The following SSPN variants were observed in gnomAD, a reference collection of about 807,000 sequenced individuals.
SSPN encodes K-ras oncogene-associated protein.
In SSPN, 15 loss-of-function variants were observed where a neutral mutation model predicts 19.1. The observed-to-expected ratio is 0.78, with a 90% CI of 0.52 to 1.21. SSPN has a LOEUF of 1.21. Among genes scored for constraint, SSPN ranks in the 50% most tolerant of loss-of-function variants. The probability of loss-of-function intolerance (pLI) is 0.00; values close to 1 mark genes in which losing one functional copy is unlikely to be tolerated. For synonymous variants in SSPN, 147 were observed against 140.3 expected (o/e 1.05, Z -0.34); for missense variants, 291 against 314.0 (o/e 0.93, Z 0.55).
At chr12:26,189,611 C>A (rs1376161218) in intron 1 of SSPN, among the ~76,000 whole-genome samples, 2 of 152,158 alleles carry the variant, frequency 1.3e-5, no homozygotes, top group Non-Finnish European at 2.9e-5. Flanking sequence ...AAAAGGCAAA[C>A]CATTCCTTGA....
At chr12:26,158,391 C>T (rs1162229118) in intron 1 of SSPN, among the ~76,000 whole-genome samples, 5 of 152,120 alleles carry the variant, frequency 3.3e-5, no homozygotes, top group African/African-American at 7.2e-5. Flanking sequence ...AATATGTCAG[C>T]GTAGGGGCCT....
At chr12:26,143,574 G>C (rs1277791179) in intron 1 of SSPN, among the ~76,000 whole-genome samples, 3 of 152,268 alleles carry the variant, frequency 2.0e-5, no homozygotes, top group East Asian at 3.9e-4. Flanking sequence ...GGGAAATCCT[G>C]AGCTGAGGCA....
At chr12:26,172,425 T>C (rs938154057) in intron 1 of SSPN, among the ~76,000 whole-genome samples, 2 of 152,216 alleles carry the variant, frequency 1.3e-5, no homozygotes, top group African/African-American at 2.4e-5. Context: ...CTCTGCATAA[T>C]AGGCTCATTT....
At chr12:26,157,838 A>G (rs1944564847) in intron 1 of SSPN, among the ~76,000 whole-genome samples, 2 of 152,200 alleles carry the variant, frequency 1.3e-5, no homozygotes, top group South Asian at 4.1e-4. Context: ...TGGCCTCTTT[A>G]TGAAGAAATC....
chr12:26,232,497 A>G lies in SSPN; in HGVS notation c.*1421A>G. ...TATGCTTTGTTGAAAGCAGAAATTA[A>G]GATAATAATTGAGTTCAATTCGCCT... On this transcript the variant is annotated 3_prime_UTR_variant, in exon 3 of 3. Coordinates refer to ENST00000242729, the MANE Select transcript of SSPN (RefSeq NM_005086.5). 1 of 985,406 alleles carries G rather than the reference A, an allele frequency of 1.0e-6. No individual in the cohort carries two copies. Among genetic ancestry groups the G allele is most frequent in the African/African-American group, 1.7e-5 (1 of 57,370 alleles). 61.0% of individuals were successfully genotyped at this position (985,406 alleles called of 1,614,324 possible).
chr12:26,195,804 C>T lies in SSPN; in HGVS notation c.132C>T (p.Pro44=), dbSNP rs1944822951. Residue 44 remains proline, a synonymous_variant, in exon 1 of 3, where the codon CCC becomes CCT. Transcript: ENST00000242729. The part of the protein sequence containing the change: ...GAPKECGEEE[P]RTCCGCRFPL... ...CCAAGGAGTGCGGGGAGGAGGAGCC[C>T]CGGACCTGCTGCGGCTGCCGGTTCC... The T allele has an allele frequency of 3.3e-6, 5 of 1,534,662 alleles. No individual in the cohort carries two copies. The highest frequency in any genetic ancestry group is 4.4e-6 in the Non-Finnish European group (5 of 1,143,418).
chr12:26,234,699 G>A lies in SSPN; in HGVS notation c.*3623G>A, dbSNP rs1945268255. 2 of 152,182 alleles carry A rather than the reference G, an allele frequency of 1.3e-5. No homozygotes were observed. The highest frequency in any genetic ancestry group is 6.5e-5 in the Admixed American group (1 of 15,286). 9.4% of individuals were successfully genotyped at this position (152,182 alleles called of 1,614,324 possible). A position where few individuals can be genotyped will look rare whatever the true frequency, so the allele number is the denominator to read the frequency against. On this transcript the variant is annotated 3_prime_UTR_variant, in exon 3 of 3. Transcript: ENST00000242729. ...AATACAAAATAAAGCATTTCTACAT[G>A]TTTGAGGTGGTTGTTTTTAAAGGGG... is the stretch of plus-strand genomic sequence containing the variant.
rs568003092 is a variant in SSPN, at chr12:26,151,289, G to A, written c.-31+29137G>A. The stretch of plus-strand genomic sequence containing the variant: ...AAACATTGCTAAATCCTTTTGGAGA[G>A]GCTAGAGAGAAACTGAAGGAAGTTA... On this transcript the variant is annotated intron_variant, in intron 1 of 2. Transcript: ENST00000538142. Among the ~76,000 whole-genome samples, 6 of 152,138 alleles carry A rather than the reference G, an allele frequency of 3.9e-5. No individual in the cohort carries two copies. The South Asian group carries it at 6.2e-4, about 16-fold the overall frequency.
chr12:26,130,319 C>A (rs1175890466), intron 1 of SSPN, among the ~76,000 whole-genome samples: 1 of 152,218 alleles, frequency 6.6e-6, no homozygotes, highest in Non-Finnish European at 1.5e-5. Context: ...ATGTCCACTT[C>A]TCTCACCCAC....
chr12:26,231,037 C>T lies in SSPN; in HGVS notation c.693C>T (p.Cys231=), dbSNP rs1262306297. 3 of 1,614,028 alleles carry T rather than the reference C, an allele frequency of 1.9e-6. No individual in the cohort carries two copies. Among genetic ancestry groups the T allele is most frequent in the African/African-American group, 2.7e-5 (2 of 74,928 alleles). The change falls in exon 3 of 3, where the codon TGC becomes TGT. Residue 231 remains cysteine, a synonymous_variant. Coordinates refer to ENST00000242729, the MANE Select transcript of SSPN (RefSeq NM_005086.5). ...TCTTCTATGTGGGTGTCAGGATATGCTCCCTCACGGCTTCCGAAGGCCCCC... is the reference window on the plus strand; with the variant it reads ...TCTTCTATGTGGGTGTCAGGATATGTTCCCTCACGGCTTCCGAAGGCCCCC... The part of the protein sequence containing the change: ...YQVFYVGVRI[C]SLTASEGPQQ...
chr12:26,148,229 T>A (rs1041749317), intron 1 of SSPN, among the ~76,000 whole-genome samples: 6 of 152,230 alleles, frequency 3.9e-5, no homozygotes, highest in Non-Finnish European at 7.3e-5. Context: ...CATGGCTGCG[T>A]GCAGCCTTAC....
intron 1 of SSPN, among the ~76,000 whole-genome samples, chr12:26,159,124 T>C (rs933099557): frequency 6.6e-6 from 1 of 151,974 alleles, no homozygotes; most frequent in African/African-American, 2.4e-5. Context: ...CCAGGCTGGA[T>C]GGGGAGAGGA....
At chr12:26,180,386 C>T (rs1273030679) in intron 1 of SSPN, 1 of 152,098 alleles carries the variant, frequency 6.6e-6, no homozygotes, top group African/African-American at 2.4e-5. Flanking sequence ...TGTCCTGACA[C>T]CTTGAGACAT....
intron 1 of SSPN, among the ~76,000 whole-genome samples, chr12:26,221,263 C>T (rs767577392): frequency 5.9e-5 from 9 of 152,200 alleles, no homozygotes; most frequent in Non-Finnish European, 1.2e-4. Context: ...TGCATATCCT[C>T]AAAACTCATC....
upstream of SSPN, among the ~76,000 whole-genome samples, chr12:26,194,572 G>GTTT: frequency 6.6e-6 from 1 of 152,228 alleles, no homozygotes; most frequent in South Asian, 2.1e-4. Flanking sequence ...TTTTAGTGGA[G>GTTT]ACGGGGTTTC....
intron 1 of SSPN, among the ~76,000 whole-genome samples, chr12:26,215,905 G>A (rs775175397): frequency 2.0e-5 from 3 of 152,270 alleles, no homozygotes; most frequent in Non-Finnish European, 2.9e-5. Context: ...GGAAACAAAT[G>A]GAGCCAACAC....
upstream of SSPN, among the ~76,000 whole-genome samples, chr12:26,194,071 C>T (rs948417447): frequency 2.6e-5 from 4 of 152,178 alleles, no homozygotes; most frequent in Non-Finnish European, 4.4e-5. Flanking sequence ...TTGGCAACAT[C>T]ACTTATTTTT....
intron 1 of SSPN, among the ~76,000 whole-genome samples, chr12:26,213,263 CAG>C (rs915961185): frequency 2.1e-5 from 3 of 140,312 alleles, no homozygotes; most frequent in African/African-American, 7.6e-5. Flanking sequence ...AGGTTTGTAA[CAG>C]AAATAAAAAG....
intron 1 of SSPN, among the ~76,000 whole-genome samples, chr12:26,142,865 T>G (rs923320363): frequency 5.3e-5 from 8 of 152,222 alleles, no homozygotes; most frequent in African/African-American, 1.9e-4. Flanking sequence ...AATGCCTGGC[T>G]CCTTCATCTG....
Sources: allele counts gnomAD v4.1 joint callset (sites outside exome capture counted in the v4.1 genomes callset), GRCh38; gene constraint gnomAD v4.1.1; transcripts MANE v1.5; gene names NCBI Gene and HGNC (gene_info 2026-07-23, HGNC 2026-07-21).